XRCC4: variants seen among roughly 807,000 people sequenced by gnomAD.
XRCC4 encodes X-ray repair cross complementing 4, also known as DNA repair protein XRCC4.
Under a neutral mutation model 39.1 loss-of-function variants are expected in XRCC4, and 28 were observed. The observed-to-expected ratio is 0.72, with a 90% CI of 0.53 to 0.98. XRCC4 has a LOEUF of 0.98. XRCC4 is among the 50% of genes least tolerant of loss of function. XRCC4 has a pLI of 0.00. For synonymous variants in XRCC4, 123 were observed against 126.4 expected (o/e 0.97, Z 0.18); for missense variants, 350 against 376.4 (o/e 0.93, Z 0.58).
At chr5:83,151,123 C>T (rs903425135) in intron 3 of XRCC4, among the ~76,000 whole-genome samples, 3 of 152,074 alleles carry the variant, frequency 2.0e-5, no homozygotes, top group African/African-American at 7.2e-5. Context: ...TGCCAAATGT[C>T]TCCATAAAAT....
chr5:83,332,226 TACAC>T (rs67822741), intron 7 of XRCC4, among the ~76,000 whole-genome samples: 8,438 of 141,950 alleles, frequency 0.059, 273 homozygotes, highest in Middle Eastern at 0.094. Context: ...TTCAATCTTC[TACAC>T]ACACACACAC....
chr5:83,171,718 G>A (rs1003155129), intron 3 of XRCC4, among the ~76,000 whole-genome samples: 1 of 152,146 alleles, frequency 6.6e-6, no homozygotes, highest in African/African-American at 2.4e-5. Context: ...AAATGCCTTA[G>A]CCTAGCATTC....
intron 3 of XRCC4, among the ~76,000 whole-genome samples, chr5:83,143,592 C>G (rs1748288762): frequency 6.6e-6 from 1 of 152,076 alleles, no homozygotes; most frequent in Non-Finnish European, 1.5e-5. Context: ...TTATCCTGAA[C>G]AAATTCCTCT....
chr5:83,191,002 G>A lies in XRCC4; in HGVS notation c.316-4768G>A, dbSNP rs188337810. On this transcript the variant is annotated intron_variant, in intron 3 of 7. Transcript: ENST00000396027. ...TATTGTAGTTATAGTTTCTTAATGA[G>A]GATTATTACAATAAATAAATAATCA... Among the ~76,000 whole-genome samples the A allele has an allele frequency of 2.0e-5, 3 of 151,928 alleles. No individual in the cohort carries two copies. In the East Asian group the frequency reaches 5.8e-4, roughly 29 times the overall value.
chr5:83,325,021 A>C (rs746945151), intron 7 of XRCC4, among the ~76,000 whole-genome samples: 1 of 152,088 alleles, frequency 6.6e-6, no homozygotes, highest in African/African-American at 2.4e-5. Flanking sequence ...CCTTCCTAGA[A>C]CAATGTAGCA....
intron 3 of XRCC4, among the ~76,000 whole-genome samples, chr5:83,179,777 A>G (rs532557780): frequency 5.3e-5 from 8 of 152,208 alleles, no homozygotes; most frequent in Non-Finnish European, 1.0e-4. Context: ...TCATGAGATG[A>G]CCTCTAGGGA....
intron 3 of XRCC4, among the ~76,000 whole-genome samples, chr5:83,137,684 A>G (rs1747965694): frequency 6.6e-6 from 1 of 152,144 alleles, no homozygotes; most frequent in African/African-American, 2.4e-5. Context: ...TGTTTTGTTT[A>G]TAATTTAGAA....
the XRCC4 span, among the ~76,000 whole-genome samples, chr5:83,360,735 C>T: frequency 3.9e-5 from 6 of 152,002 alleles, no homozygotes; most frequent in South Asian, 2.1e-4. Flanking sequence ...GCTGGAGCCA[C>T]GCCCACTCCC....
chr5:83,159,623 A>T (rs1749113922), intron 3 of XRCC4, among the ~76,000 whole-genome samples: 1 of 152,186 alleles, frequency 6.6e-6, no homozygotes, highest in African/African-American at 2.4e-5. Context: ...TTATACGGAA[A>T]ATATCGGAAT....
At chr5:83,265,193 C>T in intron 7 of XRCC4, among the ~76,000 whole-genome samples, 1 of 152,160 alleles carries the variant, frequency 6.6e-6, no homozygotes, top group East Asian at 1.9e-4. Flanking sequence ...ATAATATAAT[C>T]ATCAAATTCA....
intron 1 of XRCC4, among the ~76,000 whole-genome samples, chr5:83,100,510 G>T (rs1326416445): frequency 6.6e-6 from 1 of 151,946 alleles, no homozygotes; most frequent in Non-Finnish European, 1.5e-5. Flanking sequence ...AAAAAGCAAT[G>T]AAACCAATTG....
chr5:83,261,309 A>AT (rs1453113087), intron 7 of XRCC4, among the ~76,000 whole-genome samples: 1 of 151,982 alleles, frequency 6.6e-6, no homozygotes, highest in African/African-American at 2.4e-5. Flanking sequence ...CTGAAGCATG[A>AT]TTTTTTTCTC....
intron 7 of XRCC4, among the ~76,000 whole-genome samples, chr5:83,274,614 T>C (rs554089615): frequency 2.6e-5 from 4 of 152,202 alleles, no homozygotes; most frequent in African/African-American, 9.6e-5. Context: ...CAAAAGATAG[T>C]GATGAGGTGG....
intron 3 of XRCC4, among the ~76,000 whole-genome samples, chr5:83,169,673 A>G (rs1749636474): frequency 1.3e-5 from 2 of 152,168 alleles, no homozygotes; most frequent in South Asian, 4.1e-4. Flanking sequence ...TAATGTTCAT[A>G]GTGGGTCTTA....
intron 3 of XRCC4, among the ~76,000 whole-genome samples, chr5:83,190,561 C>T (rs1441347931): frequency 6.6e-6 from 1 of 152,072 alleles, no homozygotes; most frequent in African/African-American, 2.4e-5. Flanking sequence ...TTTAATTCTG[C>T]AAGTTTATGT....
chr5:83,367,108 G>T, the XRCC4 span, among the ~76,000 whole-genome samples: 1 of 152,074 alleles, frequency 6.6e-6, no homozygotes, highest in Non-Finnish European at 1.5e-5. Context: ...GATATTTTTT[G>T]AATTAATGAT....
intron 7 of XRCC4, among the ~76,000 whole-genome samples, chr5:83,317,312 A>G (rs1280479004): frequency 2.3e-4 from 1 of 4,318 alleles, no homozygotes; most frequent in Admixed American, 3.2e-3. Flanking sequence ...GCAAGAGCAA[A>G]CACATTCAAA....
At chr5:83,309,296 A>AAAAATATATATATATAT (rs1561467702) in intron 7 of XRCC4, among the ~76,000 whole-genome samples, 1 of 72,216 alleles carries the variant, frequency 1.4e-5, no homozygotes, top group African/African-American at 8.5e-5. Context: ...AAAAAAAAAA[A>AAAAATATATATATATAT]ATATATATAT....
intron 6 of XRCC4, among the ~76,000 whole-genome samples, chr5:83,253,378 A>AAC (rs1753401093): frequency 6.6e-6 from 1 of 152,162 alleles, no homozygotes; most frequent in South Asian, 2.1e-4. Context: ...GGCATTTGCA[A>AAC]ACAGTACACA....
Sources: allele counts gnomAD v4.1 joint callset (sites outside exome capture counted in the v4.1 genomes callset), GRCh38; gene constraint gnomAD v4.1.1; transcripts MANE v1.5; gene names NCBI Gene and HGNC (gene_info 2026-07-23, HGNC 2026-07-21).